Variants in ZBTB20 observed in about 807,000 individuals in gnomAD.
ZBTB20 encodes the protein zinc finger and BTB domain-containing protein 20.
ZBTB20 carries 9 observed loss-of-function variants against 56.9 expected under a neutral mutation model. That is an observed-to-expected ratio of 0.16 (90% CI 0.10 to 0.28). ZBTB20 has a LOEUF of 0.28. Ranked by LOEUF, ZBTB20 falls within the 10% of genes least tolerant of loss-of-function variation. The pLI is 1.00. For missense variants in ZBTB20, 655 were observed against 1,003.0 expected (o/e 0.65, Z 4.69); for synonymous variants, 417 against 420.7 (o/e 0.99, Z 0.11).
At chr3:114,647,980 T>C (rs1022012145) in intron 6 of ZBTB20, among the ~76,000 whole-genome samples, 1 of 152,132 alleles carries the variant, frequency 6.6e-6, no homozygotes, top group African/African-American at 2.4e-5. Flanking sequence ...ATAAAACTTT[T>C]CTAGATTATT....
intron 2 of ZBTB20, among the ~76,000 whole-genome samples, chr3:115,053,760 C>T (rs1220286186): frequency 6.6e-6 from 1 of 151,956 alleles, no homozygotes; most frequent in Admixed American, 6.6e-5. Flanking sequence ...GCCCTATAAA[C>T]CTGTCTGATA....
intron 1 of ZBTB20, among the ~76,000 whole-genome samples, chr3:115,133,209 T>C (rs1282629620): frequency 1.3e-5 from 2 of 152,204 alleles, no homozygotes; most frequent in Admixed American, 6.5e-5. Flanking sequence ...TCTTCTTAGG[T>C]CAATTTTTAT....
At chr3:114,985,195 C>T (rs1038786390) in intron 2 of ZBTB20, among the ~76,000 whole-genome samples, 6 of 152,146 alleles carry the variant, frequency 3.9e-5, no homozygotes, top group African/African-American at 1.4e-4. Context: ...TGCCAAATCA[C>T]TTGCCCCTAG....
intron 4 of ZBTB20, among the ~76,000 whole-genome samples, chr3:114,832,811 A>G (rs2073925563): frequency 6.6e-6 from 1 of 152,126 alleles, no homozygotes; most frequent in Non-Finnish European, 1.5e-5. Context: ...ATATTAACGA[A>G]TATTTTAGGC....
At chr3:115,018,821 T>G (rs1167346750) in intron 2 of ZBTB20, among the ~76,000 whole-genome samples, 1 of 151,448 alleles carries the variant, frequency 6.6e-6, no homozygotes, top group African/African-American at 2.4e-5. Flanking sequence ...CTTGCTGGCT[T>G]GAACCCTAAT....
chr3:114,520,036 A>T (rs2046453768), intron 6 of ZBTB20: 1 of 152,156 alleles, frequency 6.6e-6, no homozygotes, highest in Admixed American at 6.5e-5. Context: ...AAAGAATCTC[A>T]GAGAGCAATA....
intron 3 of ZBTB20, among the ~76,000 whole-genome samples, chr3:114,925,638 TGCCTCA>T (rs1230502674): frequency 6.6e-6 from 1 of 152,074 alleles, no homozygotes; most frequent in Admixed American, 6.5e-5. Flanking sequence ...ACAATTCTCC[TGCCTCA>T]GCCTCCCGAG....
chr3:114,503,584 C>G (rs1393077055), intron 6 of ZBTB20, among the ~76,000 whole-genome samples: 1 of 152,126 alleles, frequency 6.6e-6, no homozygotes, highest in East Asian at 1.9e-4. Flanking sequence ...AAAGAATTAT[C>G]TATAAAAGTT....
At chr3:114,833,271 T>A (rs2073954301) in intron 4 of ZBTB20, among the ~76,000 whole-genome samples, 1 of 152,180 alleles carries the variant, frequency 6.6e-6, no homozygotes, top group Non-Finnish European at 1.5e-5. Context: ...AATGTTTGCA[T>A]TATAACTCTG....
intron 5 of ZBTB20, among the ~76,000 whole-genome samples, chr3:114,766,321 G>T (rs1449885590): frequency 6.6e-6 from 1 of 152,068 alleles, no homozygotes; most frequent in African/African-American, 2.4e-5. Flanking sequence ...CTGTAGACAG[G>T]TAAGAAAGAC....
chr3:114,365,407 C>G (rs2108372739), intron 10 of ZBTB20, among the ~76,000 whole-genome samples: 1 of 152,274 alleles, frequency 6.6e-6, no homozygotes, highest in East Asian at 1.9e-4. Flanking sequence ...CAGGAGGGCA[C>G]TAAGATTTCT....
chr3:114,316,118 C>T lies in ZBTB20; in HGVS notation c.*22887G>A, dbSNP rs912918334. ...GTTTTGTTCAGTTTGTTGTGGGTGA[C>T]GAGTTTAAAAATGTTTTTCATAGCC... is the stretch of plus-strand genomic sequence containing the variant. On this transcript the variant is annotated 3_prime_UTR_variant, in exon 12 of 12. Coordinates refer to ENST00000675478, the MANE Select transcript of ZBTB20 (RefSeq NM_001348800.3). 4.7e-5 allele frequency: 12 copies of T among 254,288 alleles called. No homozygotes were observed. The highest frequency in any genetic ancestry group is 1.7e-4 in the East Asian group (1 of 5,880). 15.8% of individuals were successfully genotyped at this position (254,288 alleles called of 1,614,324 possible).
At position 114,315,088 on chromosome 3, in the gene ZBTB20, AAG is replaced by A. The variant is rs1205592141; in HGVS notation, c.*23915_*23916del. ...ATTTAAGAGTATAATGAGAAAAAAA[AAG>A]GAACAAACTCCCTCTCAAAACTATT... On this transcript the variant is annotated 3_prime_UTR_variant, in exon 12 of 12. Coordinates refer to ENST00000675478, the MANE Select transcript of ZBTB20 (RefSeq NM_001348800.3). 3 of 152,194 alleles carry A rather than the reference AAG, an allele frequency of 2.0e-5. No individual in the cohort carries two copies. Among genetic ancestry groups the A allele is most frequent in the Admixed American group, 6.5e-5 (1 of 15,272 alleles). 9.4% of individuals were successfully genotyped at this position (152,194 alleles called of 1,614,324 possible). A position where few individuals can be genotyped will look rare whatever the true frequency, so the allele number is the denominator to read the frequency against.
intron 7 of ZBTB20, among the ~76,000 whole-genome samples, chr3:114,476,842 A>C (rs902642077): frequency 2.6e-4 from 40 of 152,304 alleles, no homozygotes; most frequent in African/African-American, 8.9e-4. Context: ...GTTTACTTGT[A>C]ATTATTTTCT....
chr3:114,712,342 A>G (rs773334006), intron 5 of ZBTB20, among the ~76,000 whole-genome samples: 2 of 152,156 alleles, frequency 1.3e-5, no homozygotes, highest in Non-Finnish European at 2.9e-5. Flanking sequence ...AATTCTTTAG[A>G]AAATTAATGT....
At chr3:115,037,466 G>A (rs1464495546) in intron 2 of ZBTB20, among the ~76,000 whole-genome samples, 1 of 152,180 alleles carries the variant, frequency 6.6e-6, no homozygotes, top group South Asian at 2.1e-4. Context: ...TGGATTTTTA[G>A]TAGAGGCAGG....
intron 3 of ZBTB20, among the ~76,000 whole-genome samples, chr3:114,952,602 A>C (rs536994862): frequency 6.6e-6 from 1 of 152,136 alleles, no homozygotes; most frequent in South Asian, 2.1e-4. Flanking sequence ...CAGAAAAAAA[A>C]AAAATCAATC....
chr3:114,570,078 G>C (rs1445924487), intron 6 of ZBTB20, among the ~76,000 whole-genome samples: 1 of 152,126 alleles, frequency 6.6e-6, no homozygotes, highest in African/African-American at 2.4e-5. Context: ...TTCTCAACAT[G>C]TATTTTGAGG....
At chr3:114,345,631 T>G (rs2080124828) in intron 11 of ZBTB20, among the ~76,000 whole-genome samples, 1 of 152,186 alleles carries the variant, frequency 6.6e-6, no homozygotes, top group Non-Finnish European at 1.5e-5. Context: ...ATTCTCAACT[T>G]CAGCATGAAC....
Sources: allele counts gnomAD v4.1 joint callset (sites outside exome capture counted in the v4.1 genomes callset), GRCh38; gene constraint gnomAD v4.1.1; transcripts MANE v1.5; gene names NCBI Gene and HGNC (gene_info 2026-07-23, HGNC 2026-07-21).